GALNT13: variants seen among roughly 807,000 people sequenced by gnomAD.
GALNT13 encodes UDP-GalNAc:polypeptide N-acetylgalactosaminyltransferase 13.
GALNT13 carries 28 observed loss-of-function variants against 64.2 expected under a neutral mutation model. That is an observed-to-expected ratio of 0.44 (90% CI 0.32 to 0.60). GALNT13 has a LOEUF of 0.60. Ranked by LOEUF, GALNT13 falls within the 20% of genes least tolerant of loss-of-function variation. GALNT13 has a pLI of 0.05. For missense variants in GALNT13, 577 were observed against 669.8 expected (o/e 0.86, Z 1.53); for synonymous variants, 214 against 224.6 (o/e 0.95, Z 0.42).
chr2:154,342,825 CGTGTGTGTGT>C (rs59607214), intron 9 of GALNT13, among the ~76,000 whole-genome samples: 3 of 146,682 alleles, frequency 2.0e-5, no homozygotes, highest in Non-Finnish European at 3.0e-5. Flanking sequence ...TAAGAGTGTG[CGTGTGTGTGT>C]GTGTGTGTGT....
chr2:153,882,824 C>T (rs1686873514), intron 1 of GALNT13, among the ~76,000 whole-genome samples: 2 of 151,416 alleles, frequency 1.3e-5, no homozygotes, highest in South Asian at 2.1e-4. Flanking sequence ...AATGGGGGAT[C>T]TTGCTATGCT....
the GALNT13 span, among the ~76,000 whole-genome samples, chr2:153,735,106 A>G: frequency 6.6e-6 from 1 of 152,164 alleles, no homozygotes; most frequent in African/African-American, 2.4e-5. Context: ...GCAGTGTTCC[A>G]TGCCTTGTTT....
At chr2:153,762,902 T>C in the GALNT13 span, among the ~76,000 whole-genome samples, 1 of 151,786 alleles carries the variant, frequency 6.6e-6, no homozygotes, top group Admixed American at 6.6e-5. Context: ...TTTAAAAATC[T>C]AGTACAGATA....
chr2:153,944,737 T>A, intron 3 of GALNT13, 98 bp downstream of exon 3: 2 of 1,065,726 alleles, frequency 1.9e-6, no homozygotes, highest in Non-Finnish European at 2.7e-6. Flanking sequence ...TTTGCCTTAG[T>A]GAGTTAGAAG....
the GALNT13 span, among the ~76,000 whole-genome samples, chr2:153,290,023 C>CT: frequency 6.6e-6 from 1 of 152,068 alleles, no homozygotes; most frequent in Non-Finnish European, 1.5e-5. Context: ...TCAGTTTTCA[C>CT]CTCTGAAAAA....
the GALNT13 span, among the ~76,000 whole-genome samples, chr2:153,703,824 T>C: frequency 2.4e-4 from 37 of 152,282 alleles, no homozygotes; most frequent in South Asian, 2.1e-4. Flanking sequence ...TGTCAAATAT[T>C]GGAGAGAACA....
chr2:153,689,248 G>GT, the GALNT13 span, among the ~76,000 whole-genome samples: 2 of 151,922 alleles, frequency 1.3e-5, no homozygotes, highest in Non-Finnish European at 2.9e-5. Flanking sequence ...ATTCAGATGT[G>GT]TATGTCGAAT....
the GALNT13 span, among the ~76,000 whole-genome samples, chr2:153,307,663 T>C: frequency 6.6e-6 from 1 of 152,100 alleles, no homozygotes; most frequent in Non-Finnish European, 1.5e-5. Context: ...ATAGGATATA[T>C]GTACACAGAT....
intron 3 of GALNT13, among the ~76,000 whole-genome samples, chr2:154,052,865 T>G (rs577799743): frequency 2.9e-4 from 44 of 152,016 alleles, no homozygotes; most frequent in Admixed American, 2.4e-3. Flanking sequence ...GCCTCCCTAG[T>G]AGCTGGGACT....
At chr2:153,600,989 G>A in the GALNT13 span, among the ~76,000 whole-genome samples, 1 of 151,876 alleles carries the variant, frequency 6.6e-6, no homozygotes, top group Non-Finnish European at 1.5e-5. Flanking sequence ...ATGAGAATCA[G>A]GGAAAGAGTT....
intron 3 of GALNT13, among the ~76,000 whole-genome samples, chr2:154,116,530 T>C (rs548285919): frequency 9.2e-5 from 14 of 152,324 alleles, no homozygotes; most frequent in African/African-American, 3.1e-4. Context: ...TTCATCACTT[T>C]GTCCACTGAA....
the GALNT13 span, among the ~76,000 whole-genome samples, chr2:153,552,360 A>G: frequency 2.6e-5 from 4 of 152,190 alleles, no homozygotes; most frequent in Non-Finnish European, 5.9e-5. Context: ...AGAGAGGAAC[A>G]AACTGAAGAT....
chr2:154,124,682 A>G lies in GALNT13; in HGVS notation c.143-15655A>G, dbSNP rs556605589. ...ATTAATTTTAATAGATATGGATTCT[A>G]TGATTTAATATGAAAAATAATCAGT... On this transcript the variant is annotated intron_variant, in intron 3 of 12. Coordinates refer to ENST00000392825, the MANE Select transcript of GALNT13 (RefSeq NM_052917.4). Among the ~76,000 whole-genome samples, 13 of 151,942 alleles carry G rather than the reference A, an allele frequency of 8.6e-5. No individual in the cohort carries two copies. The South Asian group carries it at 2.3e-3, about 27-fold the overall frequency.
At chr2:153,516,697 T>C in the GALNT13 span, among the ~76,000 whole-genome samples, 1 of 152,052 alleles carries the variant, frequency 6.6e-6, no homozygotes, top group Non-Finnish European at 1.5e-5. Context: ...CCCTAGGAAA[T>C]TGTAGTAGCA....
the GALNT13 span, among the ~76,000 whole-genome samples, chr2:153,218,407 C>G: frequency 6.6e-6 from 1 of 152,148 alleles, no homozygotes; most frequent in African/African-American, 2.4e-5. Flanking sequence ...TGCCCTTCCT[C>G]TTAGTCGTTA....
intron 9 of GALNT13, among the ~76,000 whole-genome samples, chr2:154,364,726 C>A (rs1226160721): frequency 1.3e-5 from 2 of 152,052 alleles, no homozygotes; most frequent in Non-Finnish European, 2.9e-5. Context: ...GGCTGGAATG[C>A]GATGGCGCGA....
At chr2:153,971,167 T>C (rs1693711869) in intron 3 of GALNT13, among the ~76,000 whole-genome samples, 1 of 152,152 alleles carries the variant, frequency 6.6e-6, no homozygotes, top group South Asian at 2.1e-4. Flanking sequence ...ACTTCATGTC[T>C]TAATTTTCTA....
At chr2:153,976,898 G>A (rs1694109992) in intron 3 of GALNT13, among the ~76,000 whole-genome samples, 1 of 152,064 alleles carries the variant, frequency 6.6e-6, no homozygotes, top group African/African-American at 2.4e-5. Context: ...CTTGAGCTTA[G>A]TTAGGAAATA....
At chr2:154,356,169 A>G (rs707033) in intron 9 of GALNT13, among the ~76,000 whole-genome samples, 71,487 of 151,712 alleles carry the variant, frequency 0.47, 17,522 homozygotes, top group Admixed American at 0.59. Context: ...AAAGTTATCT[A>G]CAGATTTGCC....
Sources: allele counts gnomAD v4.1 joint callset (sites outside exome capture counted in the v4.1 genomes callset), GRCh38; gene constraint gnomAD v4.1.1; transcripts MANE v1.5; gene names NCBI Gene and HGNC (gene_info 2026-07-23, HGNC 2026-07-21).